The following C6 variants were observed in gnomAD, a reference collection of about 807,000 sequenced individuals.
The protein encoded by C6 is complement component C6.
C6 carries 101 observed loss-of-function variants against 112.9 expected under a neutral mutation model. That is an observed-to-expected ratio of 0.89 (90% CI 0.76 to 1.06). The LOEUF (loss-of-function observed/expected upper bound fraction) is 1.06. Ranked by LOEUF, C6 falls within the 50% of genes least tolerant of loss-of-function variation. The pLI is 0.00. For missense variants in C6, 1,202 were observed against 1,104.6 expected, an observed-to-expected ratio of 1.09 and a Z score of -1.25; for synonymous variants, 431 against 384.1, an observed-to-expected ratio of 1.12 and a Z score of -1.43.
rs566090918 is a variant in C6 at position 41,208,844 on chromosome 5, A to G, written c.-21+4532T>C. On this transcript the variant is annotated intron_variant, in intron 1 of 17. Coordinates refer to ENST00000337836, the MANE Select transcript of C6 (RefSeq NM_000065.5). ...TGAAACTATTCCAATCAATAGAAAA[A>G]GAGGGAATCCTCCCTAACTCATTTT... 2.6e-5 allele frequency among the ~76,000 whole-genome samples: 4 copies of G among 152,228 alleles called. No homozygotes were observed. In the South Asian group the frequency reaches 8.3e-4, roughly 32 times the overall value.
intron 7 of C6, 109 bp downstream of exon 7, chr5:41,181,250 A>T: frequency 1.0e-6 from 1 of 975,504 alleles, no homozygotes; most frequent in Non-Finnish European, 1.6e-6. Flanking sequence ...AATCTGTATT[A>T]GAAGTCATAC....
intron 5 of C6, among the ~76,000 whole-genome samples, chr5:41,189,831 T>A (rs762221469): frequency 1.3e-5 from 2 of 152,112 alleles, no homozygotes; most frequent in Non-Finnish European, 2.9e-5. Context: ...GAGATCAACT[T>A]TTTAAGCTTC....
chr5:41,245,705 TATTGTATTA>T (rs533160633), intron 1 of C6, among the ~76,000 whole-genome samples: 160 of 152,342 alleles, frequency 1.1e-3, no homozygotes, highest in Non-Finnish European at 1.1e-3. Flanking sequence ...ATTGTCTCTT[TATTGTATTA>T]ATATAGGAAA....
At chr5:41,193,951 C>T (rs1044437777) in intron 5 of C6, among the ~76,000 whole-genome samples, 18 of 152,016 alleles carry the variant, frequency 1.2e-4, no homozygotes, top group African/African-American at 9.7e-5. Flanking sequence ...TGTCCCGAGC[C>T]GGCAGGCTTT....
intron 1 of C6, among the ~76,000 whole-genome samples, chr5:41,250,028 T>C (rs1741250270): frequency 6.6e-6 from 1 of 152,246 alleles, no homozygotes; most frequent in Non-Finnish European, 1.5e-5. Flanking sequence ...ATTTGGACTT[T>C]TTCAGCTGCA....
intron 5 of C6, among the ~76,000 whole-genome samples, chr5:41,187,569 G>C (rs1561145126): frequency 6.6e-6 from 1 of 152,110 alleles, no homozygotes; most frequent in Non-Finnish European, 1.5e-5. Flanking sequence ...TTCTATCAAA[G>C]AGGAGCAAGG....
chr5:41,192,371 T>G (rs1254809704), intron 5 of C6, among the ~76,000 whole-genome samples: 1 of 152,152 alleles, frequency 6.6e-6, no homozygotes, highest in Non-Finnish European at 1.5e-5. Context: ...TTTATCTGGT[T>G]TTGGTATCAG....
At chr5:41,232,219 C>G (rs779108748) in intron 1 of C6, among the ~76,000 whole-genome samples, 1 of 152,028 alleles carries the variant, frequency 6.6e-6, no homozygotes, top group Non-Finnish European at 1.5e-5. Flanking sequence ...ACTGAGTTTA[C>G]TTCTTTGTAT....
chr5:41,261,290 C>T (rs1183673843), exon 1 of C6: 1 of 697,580 alleles, frequency 1.4e-6, no homozygotes, highest in Non-Finnish European at 1.8e-6. Flanking sequence ...TATGAGCTCT[C>T]AGCAGGAATC....
intron 15 of C6, among the ~76,000 whole-genome samples, chr5:41,151,934 C>G (rs963711604): frequency 6.6e-6 from 1 of 150,508 alleles, no homozygotes; most frequent in Non-Finnish European, 1.5e-5. Context: ...TTACAAGAAT[C>G]AGTGGAGAAA....
chr5:41,243,760 A>T (rs1740868837), intron 1 of C6, among the ~76,000 whole-genome samples: 1 of 152,190 alleles, frequency 6.6e-6, no homozygotes, highest in African/African-American at 2.4e-5. Flanking sequence ...AACTCTTAGC[A>T]TATGTAAAAG....
At chr5:41,158,815 A>T (rs1446829791) in intron 12 of C6, 30 bp from the exon 13 acceptor site, 1 of 1,240,038 alleles carries the variant, frequency 8.1e-7, no homozygotes, top group Non-Finnish European at 1.2e-6. Context: ...ATGTGTGTAT[A>T]TGTATGTATG....
chr5:41,231,421 A>G (rs1451374179), intron 1 of C6, among the ~76,000 whole-genome samples: 1 of 152,194 alleles, frequency 6.6e-6, no homozygotes, highest in Non-Finnish European at 1.5e-5. Context: ...AGTTAAAGTT[A>G]CAGAATTCAT....
chr5:41,229,173 C>CTATT (rs1217515958), intron 1 of C6, among the ~76,000 whole-genome samples: 2 of 151,920 alleles, frequency 1.3e-5, no homozygotes, highest in Non-Finnish European at 2.9e-5. Context: ...TTTCTATTTT[C>CTATT]TATTTCATTT....
chr5:41,166,999 C>T (rs539404799), intron 9 of C6, among the ~76,000 whole-genome samples: 1 of 152,128 alleles, frequency 6.6e-6, no homozygotes, highest in African/African-American at 2.4e-5. Context: ...TGTTTCTTTA[C>T]TCCTGGGCTC....
chr5:41,204,057 A>G (rs1751236355), intron 1 of C6, among the ~76,000 whole-genome samples: 1 of 152,130 alleles, frequency 6.6e-6, no homozygotes, highest in African/African-American at 2.4e-5. Flanking sequence ...TATTTGCAAA[A>G]CCATACCCAC....
chr5:41,219,020 CA>C (rs1213579328), intron 1 of C6, among the ~76,000 whole-genome samples: 3 of 152,136 alleles, frequency 2.0e-5, no homozygotes, highest in Non-Finnish European at 2.9e-5. Flanking sequence ...TTATGATTTT[CA>C]AACAATTGCA....
At chr5:41,172,537 A>T in intron 8 of C6, 190 bp from the exon 9 acceptor site, 1 of 640,246 alleles carries the variant, frequency 1.6e-6, no homozygotes, top group South Asian at 1.8e-5. Context: ...GGGCCCAGAG[A>T]TGATCCTGAA....
intron 1 of C6, among the ~76,000 whole-genome samples, chr5:41,222,101 G>A (rs914052119): frequency 8.6e-5 from 13 of 151,562 alleles, no homozygotes; most frequent in Middle Eastern, 3.2e-3. Flanking sequence ...GGGAGGCAGA[G>A]GTCACAGTGA....
Sources: gnomAD v4.1 joint callset for allele counts (sites outside exome capture counted in the v4.1 genomes callset) on GRCh38, gnomAD v4.1.1 for gene constraint, MANE v1.5 for transcripts, NCBI Gene and HGNC (gene_info 2026-07-23, HGNC 2026-07-21) for gene names.